The following B3GALT1 variants were observed in gnomAD, a reference collection of about 807,000 sequenced individuals.
B3GALT1 encodes the protein beta-1,3-galactosyltransferase 1.
In B3GALT1, 10 loss-of-function variants were observed where a neutral mutation model predicts 23.2. That is an observed-to-expected ratio of 0.43 (90% CI 0.27 to 0.73). The LOEUF (loss-of-function observed/expected upper bound fraction) is 0.73. Ranked by LOEUF, B3GALT1 falls within the 30% of genes least tolerant of loss-of-function variation. The probability of loss-of-function intolerance (pLI) is 0.21; values close to 1 mark genes in which losing one functional copy is unlikely to be tolerated. For missense variants in B3GALT1, 299 were observed against 405.4 expected, an observed-to-expected ratio of 0.74 and a Z score of 2.25; for synonymous variants, 156 against 141.5, an observed-to-expected ratio of 1.10 and a Z score of -0.73.
chr2:167,582,960 G>T (rs1439964038), intron 2 of B3GALT1, among the ~76,000 whole-genome samples: 1 of 152,170 alleles, frequency 6.6e-6, no homozygotes, highest in Non-Finnish European at 1.5e-5. Flanking sequence ...AGAGCCATGG[G>T]CTACACACTG....
intron 1 of B3GALT1, among the ~76,000 whole-genome samples, chr2:167,363,188 A>G (rs1462446294): frequency 1.3e-5 from 2 of 151,464 alleles, no homozygotes; most frequent in Non-Finnish European, 2.9e-5. Flanking sequence ...TAGTATGCCA[A>G]CTTTAACTGT....
intron 3 of B3GALT1, among the ~76,000 whole-genome samples, chr2:167,708,535 C>T (rs1231299891): frequency 2.6e-5 from 4 of 152,184 alleles, no homozygotes; most frequent in African/African-American, 9.7e-5. Context: ...GTGGCGCATG[C>T]CTGTAATCCT....
At chr2:167,408,100 C>G (rs543043282) in intron 1 of B3GALT1, among the ~76,000 whole-genome samples, 1 of 151,014 alleles carries the variant, frequency 6.6e-6, no homozygotes, top group East Asian at 1.9e-4. Context: ...GCCAATATCA[C>G]TGGTGAACGT....
chr2:167,342,646 G>C (rs1346689187), intron 1 of B3GALT1, among the ~76,000 whole-genome samples: 2 of 151,472 alleles, frequency 1.3e-5, no homozygotes, highest in Non-Finnish European at 2.9e-5. Flanking sequence ...CTGGAAATGA[G>C]TGCATGCCAC....
At chr2:167,776,520 C>T (rs536934515) in intron 3 of B3GALT1, among the ~76,000 whole-genome samples, 1 of 152,254 alleles carries the variant, frequency 6.6e-6, no homozygotes, top group African/African-American at 2.4e-5. Flanking sequence ...GGCGGAGTGC[C>T]GACCCATGGC....
intron 2 of B3GALT1, among the ~76,000 whole-genome samples, chr2:167,598,108 A>G (rs965566205): frequency 3.3e-5 from 5 of 152,240 alleles, no homozygotes; most frequent in African/African-American, 1.2e-4. Context: ...GTTGAACTAA[A>G]GAATTCTAGC....
intron 4 of B3GALT1, among the ~76,000 whole-genome samples, chr2:167,859,536 C>T (rs1461688842): frequency 6.6e-6 from 1 of 152,112 alleles, no homozygotes; most frequent in South Asian, 2.1e-4. Flanking sequence ...TCTTTCAGGT[C>T]GGCCCCATTC....
chr2:167,655,146 A>G (rs1035334472), intron 3 of B3GALT1, among the ~76,000 whole-genome samples: 2 of 152,190 alleles, frequency 1.3e-5, no homozygotes, highest in Admixed American at 6.6e-5. Flanking sequence ...CACAAATTCC[A>G]TTTGAATGCA....
intron 2 of B3GALT1, among the ~76,000 whole-genome samples, chr2:167,502,681 G>C (rs530978142): frequency 6.0e-4 from 92 of 152,134 alleles, no homozygotes; most frequent in African/African-American, 1.9e-3. Flanking sequence ...GAACAGCAAG[G>C]GGGGGATCCA....
chr2:167,424,271 A>T (rs1698591006), intron 1 of B3GALT1, among the ~76,000 whole-genome samples: 1 of 152,196 alleles, frequency 6.6e-6, no homozygotes, highest in South Asian at 2.1e-4. Flanking sequence ...AAAGAATAAA[A>T]AGGATTTTGG....
intron 3 of B3GALT1, among the ~76,000 whole-genome samples, chr2:167,735,535 A>G (rs1056472485): frequency 1.3e-5 from 2 of 152,240 alleles, no homozygotes; most frequent in Non-Finnish European, 2.9e-5. Flanking sequence ...AATATTTGAG[A>G]AACATCTTCA....
At chr2:167,825,561 A>C (rs1689203966) in intron 4 of B3GALT1, among the ~76,000 whole-genome samples, 1 of 151,392 alleles carries the variant, frequency 6.6e-6, no homozygotes, top group South Asian at 2.1e-4. Flanking sequence ...TACTAATTCC[A>C]CGTTGTCAGA....
intron 2 of B3GALT1, among the ~76,000 whole-genome samples, chr2:167,622,272 C>A (rs1254069127): frequency 6.6e-6 from 1 of 151,898 alleles, no homozygotes; most frequent in Admixed American, 6.6e-5. Context: ...GCCAAAGAAC[C>A]CTGAGTCTGT....
At chr2:167,715,749 A>G (rs1687132387) in intron 3 of B3GALT1, 3 of 1,613,108 alleles carry the variant, frequency 1.9e-6, no homozygotes, top group South Asian at 1.1e-5. Context: ...TGTACTTCAT[A>G]GCCTTCATAC....
intron 3 of B3GALT1, among the ~76,000 whole-genome samples, chr2:167,711,303 A>G (rs965384172): frequency 2.0e-5 from 3 of 152,156 alleles, no homozygotes; most frequent in African/African-American, 7.2e-5. Context: ...TATTTATTGT[A>G]GCATCTAATA....
intron 2 of B3GALT1, among the ~76,000 whole-genome samples, chr2:167,532,237 C>T (rs770548677): frequency 1.3e-5 from 2 of 152,008 alleles, no homozygotes; most frequent in Non-Finnish European, 2.9e-5. Context: ...GCAATCAGGA[C>T]AAAACAATCA....
chr2:167,681,536 C>G (rs1183082091), intron 3 of B3GALT1, among the ~76,000 whole-genome samples: 1 of 152,136 alleles, frequency 6.6e-6, no homozygotes, highest in African/African-American at 2.4e-5. Context: ...ACTGAAGCAC[C>G]TTTCGTTTGG....
intron 3 of B3GALT1, among the ~76,000 whole-genome samples, chr2:167,708,939 A>T (rs564769085): frequency 6.6e-6 from 1 of 152,236 alleles, no homozygotes; most frequent in South Asian, 2.1e-4. Flanking sequence ...GCTTTAAAAT[A>T]TTTTTTCTCC....
intron 4 of B3GALT1, among the ~76,000 whole-genome samples, chr2:167,845,664 T>C (rs887612030): frequency 5.9e-5 from 9 of 151,946 alleles, no homozygotes; most frequent in African/African-American, 2.2e-4. Flanking sequence ...AGAAAAGTAA[T>C]CCTGGTAATA....
Sources: gnomAD v4.1 joint callset for allele counts (sites outside exome capture counted in the v4.1 genomes callset) on GRCh38, gnomAD v4.1.1 for gene constraint, MANE v1.5 for transcripts, NCBI Gene and HGNC (gene_info 2026-07-23, HGNC 2026-07-21) for gene names.